DOCK1: variants seen among roughly 807,000 people sequenced by gnomAD.
DOCK1 encodes dedicator of cytokinesis protein 1.
DOCK1 carries 138 observed loss-of-function variants against 262.7 expected under a neutral mutation model. The observed-to-expected ratio is 0.53, with a 90% CI of 0.46 to 0.61. The LOEUF (loss-of-function observed/expected upper bound fraction) is 0.61, where lower values mean the gene tolerates loss of function less well. DOCK1 is among the 20% of genes least tolerant of loss of function. The probability of loss-of-function intolerance (pLI) is 0.00; values close to 1 mark genes in which losing one functional copy is unlikely to be tolerated. For missense variants in DOCK1, 1,908 were observed against 2,370.7 expected, an observed-to-expected ratio of 0.80 and a Z score of 4.05; for synonymous variants, 866 against 867.4, an observed-to-expected ratio of 1.00 and a Z score of 0.03.
intron 27 of DOCK1, among the ~76,000 whole-genome samples, chr10:127,140,672 T>TGGGTTGAGTTTGACACACCGAGTCTCG (rs2051152678): frequency 6.6e-6 from 1 of 152,178 alleles, no homozygotes; most frequent in African/African-American, 2.4e-5. Context: ...ACCGAGTCTC[T>TGGGTTGAGTTTGACACACCGAGTCTCG]GGGTTGAGTC....
At chr10:127,201,400 C>T (rs758427068) in intron 27 of DOCK1, among the ~76,000 whole-genome samples, 1 of 152,158 alleles carries the variant, frequency 6.6e-6, no homozygotes, top group Non-Finnish European at 1.5e-5. Context: ...AGGGCCATGC[C>T]ACTCCTCTGG....
chr10:127,159,503 G>A (rs957502322), intron 27 of DOCK1, among the ~76,000 whole-genome samples: 5 of 151,856 alleles, frequency 3.3e-5, no homozygotes, highest in Non-Finnish European at 5.9e-5. Context: ...ATTTTTTTGT[G>A]TGTAAATACA....
chr10:126,959,529 C>T (rs1264400138), intron 1 of DOCK1, among the ~76,000 whole-genome samples: 1 of 151,884 alleles, frequency 6.6e-6, no homozygotes, highest in Non-Finnish European at 1.5e-5. Flanking sequence ...TAAAAAAAAT[C>T]AGAGTTTAGC....
In DOCK1 at chr10:127,381,261, C is replaced by T. The variant is rs2065809379; in HGVS notation, c.3717-17C>T. The T allele has an allele frequency of 3.8e-6, 6 of 1,596,192 alleles. No individual in the cohort carries two copies. The highest frequency in any genetic ancestry group is 1.7e-5 in the Admixed American group (1 of 58,188). On this transcript the variant is annotated splice_polypyrimidine_tract_variant and intron_variant, in intron 36 of 51. Transcript: ENST00000623213. The stretch of plus-strand genomic sequence containing the variant: ...TTAGTGACATTTTAAGAACATACCT[C>T]TGTTTTATTGTCTCAGGTATTTGTA...
At chr10:127,224,418 C>T (rs1243040731) in intron 27 of DOCK1, among the ~76,000 whole-genome samples, 1 of 152,002 alleles carries the variant, frequency 6.6e-6, no homozygotes, top group Non-Finnish European at 1.5e-5. Context: ...AAAAAATAGC[C>T]AGGCATGGTG....
intron 27 of DOCK1, among the ~76,000 whole-genome samples, chr10:127,167,135 A>G (rs900083415): frequency 6.6e-6 from 1 of 152,182 alleles, no homozygotes; most frequent in Admixed American, 6.5e-5. Flanking sequence ...AGTGTTTACA[A>G]AGTTATATAA....
chr10:127,361,335 C>G (rs1478979839), intron 32 of DOCK1, among the ~76,000 whole-genome samples: 1 of 152,084 alleles, frequency 6.6e-6, no homozygotes, highest in East Asian at 1.9e-4. Flanking sequence ...AGGATGGTCT[C>G]GATCTCCTGA....
At chr10:126,943,628 TAG>T (rs1403049869) in intron 1 of DOCK1, among the ~76,000 whole-genome samples, 1 of 152,110 alleles carries the variant, frequency 6.6e-6, no homozygotes, top group Admixed American at 6.5e-5. Flanking sequence ...TGGGATACAA[TAG>T]GGACTGAAGT....
chr10:127,169,737 C>A (rs1436153891), intron 27 of DOCK1, among the ~76,000 whole-genome samples: 1 of 152,174 alleles, frequency 6.6e-6, no homozygotes. Context: ...CATGTAGGAG[C>A]TGACCCTGAG....
chr10:127,195,381 G>A (rs1049949626), intron 27 of DOCK1, among the ~76,000 whole-genome samples: 2 of 152,166 alleles, frequency 1.3e-5, no homozygotes, highest in Non-Finnish European at 2.9e-5. Context: ...GAAGCCCCGC[G>A]GCGCCGACCC....
chr10:127,048,621 C>T (rs1166507561), intron 21 of DOCK1, among the ~76,000 whole-genome samples: 1 of 152,282 alleles, frequency 6.6e-6, no homozygotes, highest in African/African-American at 2.4e-5. Flanking sequence ...TCTAATGTCA[C>T]AGCACTAGCC....
intron 29 of DOCK1, among the ~76,000 whole-genome samples, chr10:127,261,530 TGCATGTGG>T (rs2060116919): frequency 7.1e-6 from 1 of 141,306 alleles, no homozygotes; most frequent in African/African-American, 2.7e-5. Flanking sequence ...TGCATGTGTG[TGCATGTGG>T]GTGTGTGTGT....
At chr10:127,405,020 C>G (rs1312586980) in intron 40 of DOCK1, among the ~76,000 whole-genome samples, 1 of 152,220 alleles carries the variant, frequency 6.6e-6, no homozygotes, top group Non-Finnish European at 1.5e-5. Flanking sequence ...TAGCATGTGT[C>G]AGAACTTTAT....
At chr10:127,355,674 T>C (rs2064110940) in intron 32 of DOCK1, among the ~76,000 whole-genome samples, 1 of 152,048 alleles carries the variant, frequency 6.6e-6, no homozygotes, top group South Asian at 2.1e-4. Flanking sequence ...GAGGCAGGGG[T>C]CTGTCCGCAT....
intron 43 of DOCK1, among the ~76,000 whole-genome samples, chr10:127,413,057 T>C (rs1300812180): frequency 6.6e-6 from 1 of 152,202 alleles, no homozygotes; most frequent in Admixed American, 6.5e-5. Context: ...ACTGCACCTG[T>C]TACTGTCATC....
chr10:127,193,539 G>C (rs1443057869), intron 27 of DOCK1, among the ~76,000 whole-genome samples: 1 of 152,300 alleles, frequency 6.6e-6, no homozygotes, highest in East Asian at 1.9e-4. Flanking sequence ...GAGTTCAGTA[G>C]TTGTCTCTAA....
intron 27 of DOCK1, among the ~76,000 whole-genome samples, chr10:127,204,952 G>T (rs2134267125): frequency 6.6e-6 from 1 of 152,252 alleles, no homozygotes; most frequent in South Asian, 2.1e-4. Context: ...TCTGTTTGAT[G>T]ACCATGAGCA....
chr10:127,431,377 C>T (rs1029314461), intron 47 of DOCK1, among the ~76,000 whole-genome samples: 4 of 152,314 alleles, frequency 2.6e-5, no homozygotes, highest in South Asian at 2.1e-4. Flanking sequence ...CTCTCCTTGA[C>T]GGGAGTCATC....
intron 29 of DOCK1, among the ~76,000 whole-genome samples, chr10:127,276,993 G>T (rs2135239541): frequency 6.6e-6 from 1 of 152,258 alleles, no homozygotes; most frequent in South Asian, 2.1e-4. Context: ...TCACGTTGAT[G>T]TGGAGGGGCC....
Sources: allele counts gnomAD v4.1 joint callset (sites outside exome capture counted in the v4.1 genomes callset), GRCh38; gene constraint gnomAD v4.1.1; transcripts MANE v1.5; gene names NCBI Gene and HGNC (gene_info 2026-07-23, HGNC 2026-07-21).